The following TMEM178B variants were observed in gnomAD, a reference collection of about 807,000 sequenced individuals.
The protein encoded by TMEM178B is transmembrane protein 178B.
A neutral mutation model predicts 31.0 loss-of-function variants in TMEM178B; 5 were observed. The observed-to-expected ratio is 0.16, with a 90% confidence interval of 0.08 to 0.34. TMEM178B has a LOEUF of 0.34. Ranked by LOEUF, TMEM178B falls within the 10% of genes least tolerant of loss-of-function variation. The probability of loss-of-function intolerance (pLI) is 1.00; values close to 1 mark genes in which losing one functional copy is unlikely to be tolerated. For synonymous variants in TMEM178B, 164 were observed against 164.0 expected (o/e 1.00, Z 0.00); for missense variants, 275 against 400.3 (o/e 0.69, Z 2.67).
intron 2 of TMEM178B, among the ~76,000 whole-genome samples, chr7:141,340,078 A>C (rs1318342547): frequency 6.6e-6 from 1 of 152,248 alleles, no homozygotes; most frequent in Non-Finnish European, 1.5e-5. Flanking sequence ...GGAAAAGAGG[A>C]CTTTGAAGAT....
chr7:141,120,656 T>C (rs115306565), intron 1 of TMEM178B, among the ~76,000 whole-genome samples: 282 of 152,232 alleles, frequency 1.9e-3, no homozygotes, highest in African/African-American at 6.3e-3. Flanking sequence ...TATCACCATG[T>C]TTAAAAATAA....
chr7:141,268,855 T>C (rs1387613539), intron 2 of TMEM178B, among the ~76,000 whole-genome samples: 2 of 152,212 alleles, frequency 1.3e-5, no homozygotes, highest in Non-Finnish European at 2.9e-5. Context: ...ATTGACTTTC[T>C]GGTGGGCCAA....
the TMEM178B span, among the ~76,000 whole-genome samples, chr7:141,504,532 T>C: frequency 6.6e-6 from 1 of 152,306 alleles, no homozygotes; most frequent in South Asian, 2.1e-4. Flanking sequence ...GTTCGTAGGT[T>C]TGATGTCTAA....
At chr7:141,358,302 C>A (rs76292019) in intron 2 of TMEM178B, among the ~76,000 whole-genome samples, 1 of 152,104 alleles carries the variant, frequency 6.6e-6, no homozygotes, top group African/African-American at 2.4e-5. Flanking sequence ...GCATGCTCCC[C>A]GCTTCTTTAT....
rs139817611 is a variant in TMEM178B, at chr7:141,420,279, C to T, written c.497-17329C>T. Among the ~76,000 whole-genome samples the T allele has an allele frequency of 3.8e-4, 58 of 152,054 alleles. No individual in the cohort carries two copies. In the South Asian group the frequency reaches 4.6e-3, roughly 12 times the overall value. On this transcript the variant is annotated intron_variant, in intron 2 of 3. Coordinates refer to ENST00000565468, the MANE Select transcript of TMEM178B (RefSeq NM_001195278.2). ...AGTGTGTTTAATGGAGCCAGTAATTCGGTTAGGTCCACTGCTTCACCTCTT... is the reference window on the plus strand; with the variant it reads ...AGTGTGTTTAATGGAGCCAGTAATTTGGTTAGGTCCACTGCTTCACCTCTT...
chr7:141,300,505 CT>C (rs773625453), intron 2 of TMEM178B, among the ~76,000 whole-genome samples: 2 of 152,250 alleles, frequency 1.3e-5, no homozygotes, highest in East Asian at 1.9e-4. Context: ...CAATCCACCC[CT>C]CTCTCTGATG....
At chr7:141,449,477 C>G (rs557409592) in intron 3 of TMEM178B, among the ~76,000 whole-genome samples, 2 of 152,156 alleles carry the variant, frequency 1.3e-5, no homozygotes, top group Non-Finnish European at 2.9e-5. Flanking sequence ...CTTTTTGTCA[C>G]ATCCAATCCT....
intron 1 of TMEM178B, among the ~76,000 whole-genome samples, chr7:141,081,122 G>A (rs532634257): frequency 1.2e-4 from 18 of 152,076 alleles, no homozygotes; most frequent in Non-Finnish European, 2.2e-4. Flanking sequence ...CCAGAAGAAG[G>A]CATTGTTATC....
chr7:141,217,953 G>A (rs1049691707), intron 2 of TMEM178B, among the ~76,000 whole-genome samples: 1 of 152,062 alleles, frequency 6.6e-6, no homozygotes, highest in African/African-American at 2.4e-5. Context: ...GTTTTTTGAA[G>A]CTTTCTTCTG....
At chr7:141,077,384 A>G (rs892939520) in intron 1 of TMEM178B, among the ~76,000 whole-genome samples, 4 of 152,250 alleles carry the variant, frequency 2.6e-5, no homozygotes, top group Admixed American at 1.3e-4. Context: ...TAAATGATCT[A>G]AAGAACTTAG....
rs180897784 is a variant in TMEM178B, at chr7:141,389,666, A to G, written c.497-47942A>G. ...CTGTCAAAGTCATCAATAGAATGAC[A>G]GCCCCCTTTACTTTCAAAATTGTCC... On this transcript the variant is annotated intron_variant, in intron 2 of 3. Coordinates refer to ENST00000565468, the MANE Select transcript of TMEM178B (RefSeq NM_001195278.2). 2.6e-3 allele frequency among the ~76,000 whole-genome samples: 390 copies of G among 152,362 alleles called. 2 individuals are homozygous for G. The highest frequency in any genetic ancestry group is 4.1e-3 in the South Asian group (20 of 4,828).
At chr7:141,194,976 TGGA>T (rs1007841900) in intron 1 of TMEM178B, among the ~76,000 whole-genome samples, 14 of 152,210 alleles carry the variant, frequency 9.2e-5, no homozygotes, top group African/African-American at 2.9e-4. Context: ...CAACCACAGC[TGGA>T]GTGGCTGGGA....
intron 1 of TMEM178B, among the ~76,000 whole-genome samples, chr7:141,209,455 A>G (rs1797016113): frequency 6.6e-6 from 1 of 152,240 alleles, no homozygotes. Flanking sequence ...CTTGCATGTA[A>G]TAAAAGCGGT....
At position 141,324,416 on chromosome 7, in the gene TMEM178B, GTTTTTTTTTTTTTTTTTTTTTTTT is replaced by G. The variant is rs56316531; in HGVS notation, c.496+111726_496+111749del. On this transcript the variant is annotated intron_variant, in intron 2 of 3. Transcript: ENST00000565468. ...TGTGAGAGCAAGAGAGGAGACCAGG[GTTTTTTTTTTTTTTTTTTTTTTTT>G]TTTTTTTTTTTTTCCTGAGCGATTG... is the stretch of plus-strand genomic sequence containing the variant. 2.3e-3 allele frequency among the ~76,000 whole-genome samples: 194 copies of G among 85,776 alleles called. 1 individual carries two copies. The highest frequency in any genetic ancestry group is 0.013 in the Middle Eastern group (2 of 152). 56.3% of individuals were successfully genotyped at this position (85,776 alleles called of 152,430 possible).
At chr7:141,139,115 C>CT (rs1795725684) in intron 1 of TMEM178B, among the ~76,000 whole-genome samples, 1 of 152,082 alleles carries the variant, frequency 6.6e-6, no homozygotes, top group African/African-American at 2.4e-5. Flanking sequence ...CAAAGTTAAA[C>CT]TTTATCTTTT....
intron 2 of TMEM178B, among the ~76,000 whole-genome samples, chr7:141,340,740 A>T (rs1166374301): frequency 2.6e-5 from 4 of 152,230 alleles, no homozygotes; most frequent in Non-Finnish European, 4.4e-5. Context: ...CCTTGACATG[A>T]AACTGTACCT....
At chr7:141,078,754 G>A (rs1007336352) in intron 1 of TMEM178B, among the ~76,000 whole-genome samples, 1 of 152,112 alleles carries the variant, frequency 6.6e-6, no homozygotes, top group Non-Finnish European at 1.5e-5. Context: ...GTTTGGAGGT[G>A]GATGTGGAGG....
intron 2 of TMEM178B, among the ~76,000 whole-genome samples, chr7:141,255,801 C>T (rs578073154): frequency 3.3e-4 from 50 of 152,280 alleles, no homozygotes; most frequent in African/African-American, 1.2e-3. Context: ...GCCATCCTCT[C>T]ACCTTGGCCC....
chr7:141,324,605 C>T (rs1799158682), intron 2 of TMEM178B, among the ~76,000 whole-genome samples: 1 of 151,628 alleles, frequency 6.6e-6, no homozygotes, highest in Non-Finnish European at 1.5e-5. Flanking sequence ...AGCAATTTCT[C>T]TTTACAGCTC....
Sources: gnomAD v4.1 joint callset for allele counts (sites outside exome capture counted in the v4.1 genomes callset) on GRCh38, gnomAD v4.1.1 for gene constraint, MANE v1.5 for transcripts, NCBI Gene and HGNC (gene_info 2026-07-23, HGNC 2026-07-21) for gene names.